The following VAV3 variants were observed in gnomAD, a reference collection of about 807,000 sequenced individuals.
VAV3 encodes the protein guanine nucleotide exchange factor VAV3.
A neutral mutation model predicts 131.2 loss-of-function variants in VAV3; 94 were observed. The ratio of observed to expected loss-of-function variants is 0.72; its 90% CI spans 0.61 to 0.85. The LOEUF is 0.85. Among genes scored for constraint, VAV3 ranks in the 40% least tolerant of loss-of-function variants. The pLI is 0.00. For synonymous variants in VAV3, 349 were observed against 342.0 expected (o/e 1.02, Z -0.22); for missense variants, 939 against 1,002.7 (o/e 0.94, Z 0.86).
At chr1:107,717,759 T>C (rs1661204233) in intron 15 of VAV3, among the ~76,000 whole-genome samples, 1 of 152,222 alleles carries the variant, frequency 6.6e-6, no homozygotes, top group Non-Finnish European at 1.5e-5. Context: ...TAGGTCGGCT[T>C]AGTGCATTGC....
intron 15 of VAV3, among the ~76,000 whole-genome samples, chr1:107,728,613 G>GTATATGTATATA (rs1662011592): frequency 9.8e-6 from 1 of 102,024 alleles, no homozygotes; most frequent in Non-Finnish European, 2.3e-5. Flanking sequence ...ATATGTATAT[G>GTATATGTATATA]TATATGTATA....
At chr1:107,693,847 A>G (rs1659588636) in intron 17 of VAV3, among the ~76,000 whole-genome samples, 1 of 152,136 alleles carries the variant, frequency 6.6e-6, no homozygotes, top group African/African-American at 2.4e-5. Context: ...CATGTGTTTC[A>G]TTACATTGCC....
chr1:107,591,368 G>A (rs1370135158), intron 25 of VAV3, among the ~76,000 whole-genome samples: 2 of 152,030 alleles, frequency 1.3e-5, no homozygotes, highest in African/African-American at 4.8e-5. Flanking sequence ...TCTAGCACAA[G>A]GCCTAGCACA....
intron 1 of VAV3, among the ~76,000 whole-genome samples, chr1:107,891,155 A>G (rs1266939480): frequency 1.3e-5 from 2 of 151,616 alleles, no homozygotes; most frequent in Non-Finnish European, 2.9e-5. Flanking sequence ...TCTTTAAAAA[A>G]AAAAAAAATC....
intron 25 of VAV3, among the ~76,000 whole-genome samples, chr1:107,575,588 C>A (rs1337452221): frequency 1.3e-5 from 2 of 152,100 alleles, no homozygotes; most frequent in Non-Finnish European, 2.9e-5. Context: ...GAAAACTGTC[C>A]CATTACTGGG....
chr1:107,614,070 AC>A (rs1319027239), intron 21 of VAV3, among the ~76,000 whole-genome samples: 11 of 152,022 alleles, frequency 7.2e-5, no homozygotes, highest in Admixed American at 5.9e-4. Flanking sequence ...CCAATCCTGA[AC>A]CAATACCAAA....
chr1:107,737,062 A>T (rs1449886885), intron 15 of VAV3, among the ~76,000 whole-genome samples: 2 of 152,056 alleles, frequency 1.3e-5, no homozygotes, highest in South Asian at 2.1e-4. Flanking sequence ...ACATCTACAA[A>T]CATCTGATCT....
intron 21 of VAV3, among the ~76,000 whole-genome samples, chr1:107,615,061 G>T: frequency 6.6e-6 from 1 of 152,072 alleles, no homozygotes; most frequent in African/African-American, 2.4e-5. Context: ...AAATAAGAGT[G>T]GTATCAAACT....
intron 1 of VAV3, among the ~76,000 whole-genome samples, chr1:107,933,130 T>C (rs1221516757): frequency 6.6e-6 from 1 of 152,212 alleles, no homozygotes; most frequent in Non-Finnish European, 1.5e-5. Flanking sequence ...AACCTCTTAC[T>C]ATTCCGAGGC....
chr1:107,756,518 C>T (rs532671110), intron 11 of VAV3, among the ~76,000 whole-genome samples: 3 of 152,204 alleles, frequency 2.0e-5, no homozygotes, highest in African/African-American at 7.2e-5. Flanking sequence ...CGAATTGGTA[C>T]AAGGACACAG....
chr1:107,909,675 T>C (rs1672275712), intron 1 of VAV3, among the ~76,000 whole-genome samples: 1 of 152,292 alleles, frequency 6.6e-6, no homozygotes, highest in African/African-American at 2.4e-5. Flanking sequence ...ACCAAGTCTA[T>C]ATAATTATAA....
chr1:107,769,255 T>C (rs1408035722), intron 6 of VAV3, among the ~76,000 whole-genome samples: 1 of 152,196 alleles, frequency 6.6e-6, no homozygotes, highest in African/African-American at 2.4e-5. Context: ...TCTTCCATTG[T>C]GCTTTTCTAG....
At position 107,809,229 on chromosome 1, in the gene VAV3, G is replaced by C. The variant is rs1482457578; in HGVS notation, c.322-29737C>G. ...TTTTGGTTTCCTTTGACCACTGTCA[G>C]TTCAGCAATATTTTGAGGTGGAATC... is the stretch of plus-strand genomic sequence containing the variant. On this transcript the variant is annotated intron_variant, in intron 2 of 26. Transcript: ENST00000370056. 3.9e-5 allele frequency among the ~76,000 whole-genome samples: 6 copies of C among 152,124 alleles called. No individual in the cohort carries two copies. In the South Asian group the frequency reaches 6.2e-4, roughly 16 times the overall value.
At chr1:107,678,979 T>A (rs1658416320) in intron 19 of VAV3, among the ~76,000 whole-genome samples, 1 of 152,282 alleles carries the variant, frequency 6.6e-6, no homozygotes, top group South Asian at 2.1e-4. Flanking sequence ...GAACTTTGTG[T>A]CTATATCTAT....
chr1:107,655,279 T>C (rs947799865), intron 19 of VAV3, among the ~76,000 whole-genome samples: 20 of 151,994 alleles, frequency 1.3e-4, no homozygotes, highest in Non-Finnish European at 2.4e-4. Flanking sequence ...AACAGACACA[T>C]AGACCAATGG....
chr1:107,946,289 A>G (rs1232049026), intron 1 of VAV3, among the ~76,000 whole-genome samples: 1 of 152,202 alleles, frequency 6.6e-6, no homozygotes, highest in Non-Finnish European at 1.5e-5. Flanking sequence ...TAGCTTGACC[A>G]GTATCATGAG....
intron 2 of VAV3, among the ~76,000 whole-genome samples, chr1:107,808,835 A>T (rs991465376): frequency 1.3e-5 from 2 of 152,198 alleles, no homozygotes; most frequent in Non-Finnish European, 2.9e-5. Context: ...ATTACAATCA[A>T]TGAAAATAAT....
chr1:107,829,435 G>T (rs1668152598), intron 2 of VAV3, among the ~76,000 whole-genome samples: 2 of 152,130 alleles, frequency 1.3e-5, no homozygotes, highest in Non-Finnish European at 1.5e-5. Flanking sequence ...AATTAATTCT[G>T]AACATAAAAC....
chr1:107,944,485 C>T (rs1674153146), intron 1 of VAV3, among the ~76,000 whole-genome samples: 2 of 152,152 alleles, frequency 1.3e-5, no homozygotes, highest in Admixed American at 1.3e-4. Context: ...TCTCTTATAA[C>T]CTGAATTCTT....
Sources: gnomAD v4.1 joint callset for allele counts (sites outside exome capture counted in the v4.1 genomes callset) on GRCh38, gnomAD v4.1.1 for gene constraint, MANE v1.5 for transcripts, NCBI Gene and HGNC (gene_info 2026-07-23, HGNC 2026-07-21) for gene names.